Variants in CRP observed in about 807,000 individuals in gnomAD.
The protein encoded by CRP is C-reactive protein.
A neutral mutation model predicts 3.0 loss-of-function variants in CRP; 6 were observed. The ratio of observed to expected loss-of-function variants is 2.02; its 90% CI spans 1.11 to 3.99. CRP has a LOEUF of 3.99. Ranked by LOEUF, CRP falls within the 30% of genes most tolerant of loss-of-function variation. The probability of loss-of-function intolerance (pLI) is 0.00; values close to 1 mark genes in which losing one functional copy is unlikely to be tolerated. For synonymous variants in CRP, 130 were observed against 111.0 expected (o/e 1.17, Z -1.08); for missense variants, 297 against 271.0 (o/e 1.10, Z -0.67).
Position 159,713,918 on chromosome 1 carries a change from T to A in CRP, c.282A>T (p.Thr94=). The change falls in exon 2 of 2, where the codon ACA becomes ACT. Residue 94 remains threonine, a synonymous_variant. Transcript: ENST00000255030. ...CGAATAATATTTCAGACCCACCCAC[T>A]GTAAAACTGTATCCTATATCCTTAG... ...FWSKDIGYSF[T]VGGSEILFEV... 6.2e-7 allele frequency: 1 copy of A among 1,614,030 alleles called. No homozygotes were observed. Among genetic ancestry groups the A allele is most frequent in the Non-Finnish European group, 8.5e-7 (1 of 1,180,020 alleles).
At position 159,713,615 on chromosome 1, in the gene CRP, G is replaced by A. The variant is rs750660593; in HGVS notation, c.585C>T (p.Gly195=). The A allele has an allele frequency of 4.3e-6, 7 of 1,614,056 alleles. No individual in the cohort carries two copies. The highest frequency in any genetic ancestry group is 1.7e-5 in the Admixed American group (1 of 60,002). ...TCAGGACATTAGGACTGAAGGGCCC[G>A]CCAAGATAGATGGTGTTAATCTCAT... ...SPDEINTIYL[G]GPFSPNVLNW... Residue 195 remains glycine (G), a synonymous_variant, in exon 2 of 2, where the codon GGC becomes GGT. Coordinates refer to ENST00000255030, the MANE Select transcript of CRP (RefSeq NM_000567.3).
intron 1 of CRP, 90 bp downstream of exon 1, chr1:159,714,331 CTTTT>C (rs58518386): frequency 2.7e-4 from 254 of 928,962 alleles, no homozygotes; most frequent in Non-Finnish European, 3.0e-4. Context: ...TTCATACAGT[CTTTT>C]TTTTTTTTTT....
In CRP at chr1:159,713,967, T is replaced by C. The variant is rs1660750985; in HGVS notation, c.233A>G (p.Asp78Gly). 2.5e-6 allele frequency: 4 copies of C among 1,613,790 alleles called. No individual in the cohort carries two copies. The highest frequency in any genetic ancestry group is 2.2e-5 in the South Asian group (2 of 91,060). Residue 78 changes from aspartate (D) to glycine (G), a missense_variant, in exon 2 of 2, where the codon GAC (aspartate) becomes GGC (glycine). By Grantham distance (94) the Asp-to-Gly change is moderately conservative. Coordinates refer to ENST00000255030, the MANE Select transcript of CRP (RefSeq NM_000567.3). The stretch of plus-strand genomic sequence containing the variant: ...AGACCAAAATATGAGAATCTCATTG[T>C]CTTGTCTCTTGGTGGCATACGAGAA... ...SIFSYATKRQ[D>G]NEILIFWSKD...
chr1:159,714,280 C>G (rs1019468616), intron 1 of CRP, 142 bp from the exon 2 acceptor site: 1 of 1,092,132 alleles, frequency 9.2e-7, no homozygotes, highest in Admixed American at 2.5e-5. Context: ...CACACACACA[C>G]ACACACACAC....
At chr1:159,714,232 G>A in intron 1 of CRP, 94 bp from the exon 2 acceptor site, 1 of 1,474,058 alleles carries the variant, frequency 6.8e-7, no homozygotes, top group Non-Finnish European at 9.1e-7. Context: ...TTGAGAAACA[G>A]ACTGACCCCT....
In CRP at chr1:159,713,638, C is replaced by T; in HGVS notation, c.562G>A (p.Glu188Lys). 2 of 1,614,216 alleles carry T rather than the reference C, an allele frequency of 1.2e-6. No individual in the cohort carries two copies. The highest frequency in any genetic ancestry group is 1.7e-6 in the Non-Finnish European group (2 of 1,180,048). The change falls in exon 2 of 2, where the codon GAG becomes AAG. Residue 188 changes from glutamate (E) to lysine (K), a missense_variant. By Grantham distance (56) the Glu-to-Lys change is moderately conservative. Coordinates refer to ENST00000255030, the MANE Select transcript of CRP (RefSeq NM_000567.3). ...NMWDFVLSPD[E>K]INTIYLGGPF... is the part of the protein sequence containing the mutation. ...CCGCCAAGATAGATGGTGTTAATCT[C>T]ATCTGGTGACAGCACAAAGTCCCAC... is the stretch of plus-strand genomic sequence containing the variant.
In CRP at chr1:159,712,336, TGTAGATCTG is replaced by T. The variant is rs1390216817; in HGVS notation, c.*1180_*1188del. On this transcript the variant is annotated 3_prime_UTR_variant, in exon 2 of 2. Coordinates refer to ENST00000255030, the MANE Select transcript of CRP (RefSeq NM_000567.3). ...GGCTTATAGACCTGGGCAGTCCAGG[TGTAGATCTG>T]GTTCCAGACAAGGCTGATTCAGAGA... 1 of 152,206 alleles carries T rather than the reference TGTAGATCTG, an allele frequency of 6.6e-6. No individual in the cohort carries two copies. Among genetic ancestry groups the T allele is most frequent in the African/African-American group, 2.4e-5 (1 of 41,410 alleles). 9.4% of individuals were successfully genotyped at this position (152,206 alleles called of 1,614,324 possible). A position where few individuals can be genotyped will look rare whatever the true frequency, so the allele number is the denominator to read the frequency against.
At position 159,713,910 on chromosome 1, in the gene CRP, C is replaced by A. The variant is rs1660748412; in HGVS notation, c.290G>T (p.Gly97Val). ...AGGAACCTCGAATAATATTTCAGACCCACCCACTGTAAAACTGTATCCTAT... is the reference window on the plus strand; with the variant it reads ...AGGAACCTCGAATAATATTTCAGACACACCCACTGTAAAACTGTATCCTAT... The part of the protein sequence containing the change: ...KDIGYSFTVG[G>V]SEILFEVPEV... Residue 97 changes from glycine (G) to valine (V), a missense_variant, in exon 2 of 2, where the codon GGG (glycine) becomes GTG (valine). Transcript: ENST00000255030. The A allele has an allele frequency of 6.2e-7, 1 of 1,613,962 alleles. No individual in the cohort carries two copies. Among genetic ancestry groups the A allele is most frequent in the East Asian group, 2.2e-5 (1 of 44,866 alleles).
At position 159,713,918 on chromosome 1, in the gene CRP, T is replaced by G. The variant is rs758058405; in HGVS notation, c.282A>C (p.Thr94=). Residue 94 remains threonine, a synonymous_variant, in exon 2 of 2, where the codon ACA becomes ACC. Transcript: ENST00000255030. ...CGAATAATATTTCAGACCCACCCAC[T>G]GTAAAACTGTATCCTATATCCTTAG... ...FWSKDIGYSF[T]VGGSEILFEV... The G allele has an allele frequency of 1.9e-6, 3 of 1,614,030 alleles. No individual in the cohort carries two copies. Among genetic ancestry groups the G allele is most frequent in the Non-Finnish European group, 2.5e-6 (3 of 1,180,020 alleles).
chr1:159,713,718 C>T lies in CRP; in HGVS notation c.482G>A (p.Gly161Asp). 1 of 1,614,192 alleles carries T rather than the reference C, an allele frequency of 6.2e-7. No individual in the cohort carries two copies. The highest frequency in any genetic ancestry group is 8.5e-7 in the Non-Finnish European group (1 of 1,180,036). ...GGACTGGCTTCCTTCAAAGTTCCCA[C>T]CGAAGGAATCCTGCTCCTGCCCCAA... Reference protein sequence around the residue: ...IILGQEQDSFGGNFEGSQSLV... With the variant: ...IILGQEQDSFDGNFEGSQSLV... Residue 161 changes from glycine to aspartate, a missense_variant, in exon 2 of 2, where the codon GGT (glycine) becomes GAT (aspartate). By Grantham distance (94) the Gly-to-Asp change is moderately conservative. Coordinates refer to ENST00000255030, the MANE Select transcript of CRP (RefSeq NM_000567.3).
Position 159,714,492 on chromosome 1 carries a change from G to C in CRP, c.-7C>G. On this transcript the variant is annotated 5_prime_UTR_variant, in exon 1 of 2. Coordinates refer to ENST00000255030, the MANE Select transcript of CRP (RefSeq NM_000567.3). The stretch of plus-strand genomic sequence containing the variant: ...AACACAACAGCTTCTCCATGGTCAC[G>C]TCCTGCTGCCAGTGATACAAGGGCC... 6.2e-7 allele frequency: 1 copy of C among 1,613,784 alleles called. No homozygotes were observed. The highest frequency in any genetic ancestry group is 8.5e-7 in the Non-Finnish European group (1 of 1,179,968).
Position 159,713,719 on chromosome 1 carries a change from C to A in CRP, c.481G>T (p.Gly161Cys), listed in dbSNP as rs376890049. ...GACTGGCTTCCTTCAAAGTTCCCAC[C>A]GAAGGAATCCTGCTCCTGCCCCAAG... ...IILGQEQDSFGGNFEGSQSLV... is the reference protein window; with the variant it reads ...IILGQEQDSFCGNFEGSQSLV... The change falls in exon 2 of 2, where the codon GGT (glycine) becomes TGT (cysteine). Residue 161 changes from glycine to cysteine, a missense_variant. Physicochemically the swap from Gly to Cys is radical, Grantham distance 159. Coordinates refer to ENST00000255030, the MANE Select transcript of CRP (RefSeq NM_000567.3). 6.2e-7 allele frequency: 1 copy of A among 1,614,122 alleles called. No homozygotes were observed.
intron 1 of CRP, 119 bp from the exon 2 acceptor site, chr1:159,714,257 CCACACA>C (rs59936680): frequency 0.031 from 22,352 of 720,836 alleles, 144 homozygotes; most frequent in African/African-American, 0.053. Flanking sequence ...CAGTTACACA[CCACACA>C]CACACACACA....
rs764143370 is a variant in CRP, at chr1:159,713,604, C to T, written c.596G>A (p.Ser199Asn). The T allele has an allele frequency of 1.9e-6, 3 of 1,614,092 alleles. No individual in the cohort carries two copies. The African/African-American group carries it at 4.0e-5, about 22-fold the overall frequency. Residue 199 changes from serine (S) to asparagine (N), a missense_variant, in exon 2 of 2, where the codon AGT (serine) becomes AAT (asparagine). Coordinates refer to ENST00000255030, the MANE Select transcript of CRP (RefSeq NM_000567.3). ...TGCCCGCCAGTTCAGGACATTAGGA[C>T]TGAAGGGCCCGCCAAGATAGATGGT... is the stretch of plus-strand genomic sequence containing the variant. Reference protein sequence around the residue: ...INTIYLGGPFSPNVLNWRALK... With the variant: ...INTIYLGGPFNPNVLNWRALK...
In CRP at chr1:159,712,890, C is replaced by T. The variant is rs1164187097; in HGVS notation, c.*635G>A. ...TTGCTCTGGAAAAAAAGCAGATCTG[C>T]TCTGCTGGGGCAATTCTAATGGCCT... On this transcript the variant is annotated 3_prime_UTR_variant, in exon 2 of 2. Coordinates refer to ENST00000255030, the MANE Select transcript of CRP (RefSeq NM_000567.3). The T allele has an allele frequency of 6.6e-6, 1 of 152,364 alleles. No individual in the cohort carries two copies. The allele number at this position is 152,364 out of a possible 1,614,324, so 9.4% of individuals were successfully genotyped here.
At position 159,713,907 on chromosome 1, in the gene CRP, G is replaced by A; in HGVS notation, c.293C>T (p.Ser98Phe). 6.2e-7 allele frequency: 1 copy of A among 1,614,002 alleles called. No homozygotes were observed. Among genetic ancestry groups the A allele is most frequent in the Non-Finnish European group, 8.5e-7 (1 of 1,180,024 alleles). ...DIGYSFTVGGSEILFEVPEVT... is the reference protein window; with the variant it reads ...DIGYSFTVGGFEILFEVPEVT... ...TTCAGGAACCTCGAATAATATTTCA[G>A]ACCCACCCACTGTAAAACTGTATCC... is the stretch of plus-strand genomic sequence containing the variant. Residue 98 changes from serine to phenylalanine, a missense_variant, in exon 2 of 2, where the codon TCT becomes TTT. Ser to Phe is a radical substitution (Grantham distance 155). Transcript: ENST00000255030.
Position 159,714,514 on chromosome 1 carries a change from G to A in CRP, c.-29C>T, listed in dbSNP as rs1557845179. ...CACGTCCTGCTGCCAGTGATACAAG[G>A]GCCTGAATTCACTCCTTTGGAAAAG... On this transcript the variant is annotated 5_prime_UTR_variant, in exon 1 of 2. Coordinates refer to ENST00000255030, the MANE Select transcript of CRP (RefSeq NM_000567.3). The A allele has an allele frequency of 6.2e-7, 1 of 1,613,146 alleles. No homozygotes were observed. Among genetic ancestry groups the A allele is most frequent in the Non-Finnish European group, 8.5e-7 (1 of 1,179,610 alleles).
chr1:159,714,524 C>T lies in CRP; in HGVS notation c.-39G>A. 6.2e-7 allele frequency: 1 copy of T among 1,611,676 alleles called. No individual in the cohort carries two copies. Among genetic ancestry groups the T allele is most frequent in the African/African-American group, 1.3e-5 (1 of 74,966 alleles). ...TGCCAGTGATACAAGGGCCTGAATT[C>T]ACTCCTTTGGAAAAGATGTATTCGG... is the stretch of plus-strand genomic sequence containing the variant. On this transcript the variant is annotated 5_prime_UTR_variant, in exon 1 of 2. Transcript: ENST00000255030.
chr1:159,713,378 C>A lies in CRP; in HGVS notation c.*147G>T, dbSNP rs34385396. 7.8e-6 allele frequency: 8 copies of A among 1,024,104 alleles called. No individual in the cohort carries two copies. The highest frequency in any genetic ancestry group is 1.1e-5 in the Non-Finnish European group (8 of 718,394). The allele number at this position is 1,024,104 out of a possible 1,614,324, so 63.4% of individuals were successfully genotyped here. A position where few individuals can be genotyped will look rare whatever the true frequency, so the allele number is the denominator to read the frequency against. ...CAGGCGCTGAGGAGGGTGGAGCAGG[C>A]CTGCAATGCATATAGGGGAACAAAG... On this transcript the variant is annotated 3_prime_UTR_variant, in exon 2 of 2. Coordinates refer to ENST00000255030, the MANE Select transcript of CRP (RefSeq NM_000567.3).
Sources: gnomAD v4.1 joint callset for allele counts on GRCh38, gnomAD v4.1.1 for gene constraint, MANE v1.5 for transcripts, NCBI Gene and HGNC (gene_info 2026-07-23, HGNC 2026-07-21) for gene names.